BRPF3: variants seen among roughly 807,000 people sequenced by gnomAD.
The protein encoded by BRPF3 is bromodomain and PHD finger-containing protein 3.
A neutral mutation model predicts 102.0 loss-of-function variants in BRPF3; 18 were observed. The observed-to-expected ratio is 0.18, with a 90% CI of 0.12 to 0.26. BRPF3 has a LOEUF of 0.26. Among genes scored for constraint, BRPF3 ranks in the 10% least tolerant of loss-of-function variants. The probability of loss-of-function intolerance (pLI) is 1.00; values close to 1 mark genes in which losing one functional copy is unlikely to be tolerated. For synonymous variants in BRPF3, 570 were observed against 614.2 expected, an observed-to-expected ratio of 0.93 and a Z score of 1.06; for missense variants, 1,147 against 1,567.8, an observed-to-expected ratio of 0.73 and a Z score of 4.53.
At position 36,200,358 on chromosome 6, in the gene BRPF3, C is replaced by T. The variant is rs772019126; in HGVS notation, c.36C>T (p.Ala12=). Residue 12 remains alanine (A), a synonymous_variant, in exon 2 of 13, where the codon GCC becomes GCT. Transcript: ENST00000357641. The surrounding 1 kb of genome is among the most constrained non-coding windows in gnomAD (Gnocchi z 5.3). ...RKPRRKSRQN[A]EGRRSPSPYS... is the part of the protein sequence containing the mutation. ...CTCGTCGGAAGTCCCGGCAGAATGC[C>T]GAGGGCCGGCGTTCCCCGTCCCCCT... 3.7e-6 allele frequency: 6 copies of T among 1,614,130 alleles called. No homozygotes were observed. The highest frequency in any genetic ancestry group is 1.1e-5 in the South Asian group (1 of 91,074).
At chr6:36,212,287 C>T (rs1407557400) in intron 7 of BRPF3, among the ~76,000 whole-genome samples, 8 of 152,164 alleles carry the variant, frequency 5.3e-5, no homozygotes, top group Non-Finnish European at 7.3e-5. Flanking sequence ...TACCTGCCTT[C>T]GGATCCGAGC....
chr6:36,224,580 G>A (rs1768668807), intron 10 of BRPF3, among the ~76,000 whole-genome samples: 1 of 152,196 alleles, frequency 6.6e-6, no homozygotes, highest in Admixed American at 6.5e-5. Flanking sequence ...AAATAACTCA[G>A]TTAGCAAGTA....
In BRPF3 at chr6:36,214,155, C is replaced by T; in HGVS notation, c.2758C>T (p.Leu920Phe). The T allele has an allele frequency of 1.2e-6, 2 of 1,614,236 alleles. No homozygotes were observed. The highest frequency in any genetic ancestry group is 1.7e-6 in the Non-Finnish European group (2 of 1,180,038). The change falls in exon 8 of 13, where the codon CTT (leucine) becomes TTT (phenylalanine). Residue 920 changes from leucine to phenylalanine, a missense_variant. Coordinates refer to ENST00000357641, the MANE Select transcript of BRPF3 (RefSeq NM_015695.3). ...CCCTGACACCCCGGCCGGTACCCCA[C>T]TTAGTGGTGTGGGTCGCCGCACATC... ...MAPDTPAGTPLSGVGRRTSVL... is the reference protein window; with the variant it reads ...MAPDTPAGTPFSGVGRRTSVL...
In BRPF3 at chr6:36,214,320, C is replaced by A; in HGVS notation, c.2923C>A (p.Arg975=). The A allele has an allele frequency of 6.2e-7, 1 of 1,613,384 alleles. No homozygotes were observed. The highest frequency in any genetic ancestry group is 8.5e-7 in the Non-Finnish European group (1 of 1,179,902). ...SIEEERHSRK[R]PRSRSCSESE... Reference sequence around the variant, plus strand: ...CGAGGAAGAGCGCCACTCCCGGAAGCGGCCAAGGAGCAGGAGCTGTAGTGA... The same window carrying A: ...CGAGGAAGAGCGCCACTCCCGGAAGAGGCCAAGGAGCAGGAGCTGTAGTGA... The change falls in exon 8 of 13, where the codon CGG becomes AGG. Residue 975 remains arginine (R), a synonymous_variant. Transcript: ENST00000357641.
chr6:36,227,797 G>A (rs1361128252), intron 11 of BRPF3, among the ~76,000 whole-genome samples: 1 of 152,192 alleles, frequency 6.6e-6, no homozygotes, highest in Non-Finnish European at 1.5e-5. Flanking sequence ...GGGTAAGGTG[G>A]TTCTTCCTTA....
At chr6:36,204,210 T>C (rs751683192) in intron 2 of BRPF3, among the ~76,000 whole-genome samples, 1 of 152,206 alleles carries the variant, frequency 6.6e-6, no homozygotes, top group Non-Finnish European at 1.5e-5. Context: ...AGCCTGGTTG[T>C]GGGCTACCCC....
At position 36,204,966 on chromosome 6, in the gene BRPF3, C is replaced by G. The variant is rs1056207912; in HGVS notation, c.1605+152C>G. Reference sequence around the variant, plus strand: ...GGCCTATCCCAGGAACAACCCCCAGCACTACAGAGATCTTCAAGCAGCTCC... The same window carrying G: ...GGCCTATCCCAGGAACAACCCCCAGGACTACAGAGATCTTCAAGCAGCTCC... On this transcript the variant is annotated intron_variant, in intron 3 of 12. Transcript: ENST00000357641. The G allele has an allele frequency of 1.2e-5, 11 of 952,978 alleles. No individual in the cohort carries two copies. The African/African-American group carries it at 1.8e-4, about 16-fold the overall frequency. The allele number at this position is 952,978 out of a possible 1,614,324, so 59.0% of individuals were successfully genotyped here. A position where few individuals can be genotyped will look rare whatever the true frequency, so the allele number is the denominator to read the frequency against.
At chr6:36,208,462 C>G (rs1270684201) in intron 4 of BRPF3, among the ~76,000 whole-genome samples, 1 of 152,158 alleles carries the variant, frequency 6.6e-6, no homozygotes, top group Admixed American at 6.5e-5. Flanking sequence ...AAAGCAAGAC[C>G]TGTTCTCCAC....
At chr6:36,217,326 C>T (rs748842306) in intron 8 of BRPF3, among the ~76,000 whole-genome samples, 5 of 152,214 alleles carry the variant, frequency 3.3e-5, no homozygotes, top group Non-Finnish European at 4.4e-5. Flanking sequence ...TGCTTTAGTT[C>T]CGCTGAAGAG....
In BRPF3 at chr6:36,214,355, G is replaced by A; in HGVS notation, c.2958G>A (p.Gly986=). The A allele has an allele frequency of 6.2e-7, 1 of 1,601,424 alleles. No individual in the cohort carries two copies. Among genetic ancestry groups the A allele is most frequent in the Non-Finnish European group, 8.5e-7 (1 of 1,173,580 alleles). ...GCAGGAGCTGTAGTGAGAGCGAAGG[G>A]GAGAGGTCCCCCCAGCAGGAGGAAG... is the stretch of plus-strand genomic sequence containing the variant. ...PRSRSCSESE[G]ERSPQQEEET... The change falls in exon 8 of 13, where the codon GGG becomes GGA. Residue 986 remains glycine, a synonymous_variant. Coordinates refer to ENST00000357641, the MANE Select transcript of BRPF3 (RefSeq NM_015695.3).
chr6:36,213,889 A>T lies in BRPF3; in HGVS notation c.2492A>T (p.Lys831Ile), dbSNP rs1300868061. 4 of 1,599,784 alleles carry T rather than the reference A, an allele frequency of 2.5e-6. No homozygotes were observed. The highest frequency in any genetic ancestry group is 3.4e-6 in the Non-Finnish European group (4 of 1,172,718). ...TCTTTTTTTCTAATAGATGACTCCAAACTGCCTCCTCCGCCAACCCTGGAG... is the reference window on the plus strand; with the variant it reads ...TCTTTTTTTCTAATAGATGACTCCATACTGCCTCCTCCGCCAACCCTGGAG... ...PEDDGDRDDS[K>I]LPPPPTLEPT... The change falls in exon 8 of 13, where the codon AAA becomes ATA. Residue 831 changes from lysine to isoleucine, a missense_variant. By Grantham distance (102) the Lys-to-Ile change is moderately radical. This residue lies in a region of BRPF3 where 379 missense variants were observed against 426.3 expected (regional missense o/e 0.89). Transcript: ENST00000357641.
rs538101639 is a variant in BRPF3 at position 36,231,507 on chromosome 6, C to T, written c.*898C>T. On this transcript the variant is annotated 3_prime_UTR_variant, in exon 13 of 13. Coordinates refer to ENST00000357641, the MANE Select transcript of BRPF3 (RefSeq NM_015695.3). ...AGTGTCCATCTGTCCACATGGATGT[C>T]GAGGGTGGTTTGTGTGGAGCTGTGC... 156 of 152,530 alleles carry T rather than the reference C, an allele frequency of 1.0e-3. 1 individual carries two copies. The highest frequency in any genetic ancestry group is 1.0e-3 in the Non-Finnish European group (71 of 68,148). 9.4% of individuals were successfully genotyped at this position (152,530 alleles called of 1,614,324 possible).
At chr6:36,224,901 T>C (rs73415513) in intron 10 of BRPF3, among the ~76,000 whole-genome samples, 1 of 152,232 alleles carries the variant, frequency 6.6e-6, no homozygotes, top group African/African-American at 2.4e-5. Flanking sequence ...AACATGAAAA[T>C]TACATGAAAT....
At position 36,229,021 on chromosome 6, in the gene BRPF3, C is replaced by G; in HGVS notation, c.3399C>G (p.Leu1133=). 6.2e-7 allele frequency: 1 copy of G among 1,614,204 alleles called. No homozygotes were observed. Among genetic ancestry groups the G allele is most frequent in the South Asian group, 1.1e-5 (1 of 91,084 alleles). ...AACAGGCAGAGGCTGGAGAGAAGCT[C>G]TTCCTTGTCCTCTTCTTTGACAACA... ...EQKQAEAGEK[L]FLVLFFDNKR... Residue 1133 remains leucine, a synonymous_variant, in exon 12 of 13, where the codon CTC becomes CTG. Transcript: ENST00000357641.
At chr6:36,219,277 G>A (rs1293941850) in intron 9 of BRPF3, among the ~76,000 whole-genome samples, 1 of 152,106 alleles carries the variant, frequency 6.6e-6, no homozygotes, top group Admixed American at 6.5e-5. Flanking sequence ...CCTCAGAGTT[G>A]CCCTAGCTTC....
At position 36,222,018 on chromosome 6, in the gene BRPF3, G is replaced by A. The variant is rs1768561705; in HGVS notation, c.3084-150G>A. 8.4e-6 allele frequency: 6 copies of A among 711,388 alleles called. No individual in the cohort carries two copies. The South Asian group carries it at 1.1e-4, about 13-fold the overall frequency. The allele number at this position is 711,388 out of a possible 1,614,324, so 44.1% of individuals were successfully genotyped here. On this transcript the variant is annotated intron_variant, in intron 9 of 12. Coordinates refer to ENST00000357641, the MANE Select transcript of BRPF3 (RefSeq NM_015695.3). ...TTTTCAGTCAAAAACATGGGTTAGTGTGAGTTTTTAGGGGAAGGTGAGAAA... is the reference window on the plus strand; with the variant it reads ...TTTTCAGTCAAAAACATGGGTTAGTATGAGTTTTTAGGGGAAGGTGAGAAA...
chr6:36,198,617 A>G (rs1025878037), intron 1 of BRPF3, among the ~76,000 whole-genome samples: 1 of 152,228 alleles, frequency 6.6e-6, no homozygotes, highest in Admixed American at 6.5e-5. Context: ...TAAAAGTAAG[A>G]GGGCTTTGTA....
At chr6:36,217,868 T>C in intron 8 of BRPF3, 49 bp from the exon 9 acceptor site, 1 of 1,557,174 alleles carries the variant, frequency 6.4e-7, no homozygotes, top group East Asian at 2.3e-5. Context: ...TAGCATGTGT[T>C]GGGAAGGGGG....
chr6:36,226,737 A>G (rs984051454), intron 11 of BRPF3, among the ~76,000 whole-genome samples: 9 of 152,218 alleles, frequency 5.9e-5, no homozygotes, highest in Non-Finnish European at 1.2e-4. Context: ...TAGCTCAAAG[A>G]GGTTGTATTA....
Sources: gnomAD v4.1 joint callset for allele counts (sites outside exome capture counted in the v4.1 genomes callset) on GRCh38, gnomAD v4.1.1 for gene constraint, gnomAD v4.1.1 regional missense constraint, Gnocchi (gnomAD v3.1) non-coding constraint, MANE v1.5 for transcripts, NCBI Gene and HGNC (gene_info 2026-07-23, HGNC 2026-07-21) for gene names.